Variants in PAX6 observed in about 807,000 individuals in gnomAD.
PAX6 encodes paired box protein Pax-6.
Under a neutral mutation model 60.7 loss-of-function variants are expected in PAX6, and 7 were observed. The observed-to-expected ratio is 0.12, with a 90% confidence interval of 0.07 to 0.22. The LOEUF is 0.22. PAX6 is among the 10% of genes least tolerant of loss of function. The pLI is 1.00. For synonymous variants in PAX6, 208 were observed against 201.2 expected (o/e 1.03, Z -0.29); for missense variants, 355 against 555.2 (o/e 0.64, Z 3.62).
rs754017749 is a variant in PAX6 at position 31,790,934 on chromosome 11, C to G, written c.1075-74G>C. On this transcript the variant is annotated intron_variant, in intron 12 of 13. Transcript: ENST00000640368. Reference sequence around the variant, plus strand: ...GCCACAGCCCCAGGCTCCCTCCTCCCGAGGAACTCTGCCAACAAGTCTGAT... The same window carrying G: ...GCCACAGCCCCAGGCTCCCTCCTCCGGAGGAACTCTGCCAACAAGTCTGAT... 99 of 1,499,850 alleles carry G rather than the reference C, an allele frequency of 6.6e-5. 1 individual carries two copies. Among genetic ancestry groups the G allele is most frequent in the South Asian group, 5.0e-4 (42 of 84,466 alleles). The allele number at this position is 1,499,850 out of a possible 1,614,324, so 92.9% of individuals were successfully genotyped here. A position where few individuals can be genotyped will look rare whatever the true frequency, so the allele number is the denominator to read the frequency against.
intron 13 of PAX6, chr11:31,790,239 C>A: frequency 1.9e-6 from 1 of 531,542 alleles, no homozygotes; most frequent in East Asian, 3.3e-5. Context: ...CAAGTACCCC[C>A]CACCCCAATC....
At chr11:31,797,998 G>GAGAC (rs918515962) in intron 8 of PAX6, among the ~76,000 whole-genome samples, 15 of 151,876 alleles carry the variant, frequency 9.9e-5, no homozygotes, top group Admixed American at 7.2e-4. Context: ...GAGAGAGAGA[G>GAGAC]AGAGAGAGAC....
chr11:31,789,686 C>A lies in PAX6; in HGVS notation c.*248G>T, dbSNP rs568482434. 4.3e-5 allele frequency: 30 copies of A among 702,268 alleles called. No individual in the cohort carries two copies. In the South Asian group the frequency reaches 4.5e-4, roughly 10 times the overall value. The allele number at this position is 702,268 out of a possible 1,614,324, so 43.5% of individuals were successfully genotyped here. Reference sequence around the variant, plus strand: ...AAATGCCCATTTACAAATAATACACCAAAATGAATAAAAGTTTGGATACCA... The same window carrying A: ...AAATGCCCATTTACAAATAATACACAAAAATGAATAAAAGTTTGGATACCA... On this transcript the variant is annotated 3_prime_UTR_variant, in exon 14 of 14. Coordinates refer to ENST00000640368, the MANE Select transcript of PAX6 (RefSeq NM_001368894.2).
intron 12 of PAX6, chr11:31,791,851 T>C (rs557636414): frequency 2.5e-4 from 38 of 152,380 alleles, no homozygotes; most frequent in African/African-American, 8.9e-4. Context: ...AAGAGTAGTT[T>C]TCTCTGAAGA....
intron 13 of PAX6, 144 bp from the exon 14 acceptor site, chr11:31,790,163 A>G (rs1949411006): frequency 1.5e-6 from 1 of 666,290 alleles, no homozygotes; most frequent in South Asian, 2.0e-5. Context: ...AATCACTTCA[A>G]TTGTTACAAA....
In PAX6 at chr11:31,802,002, C is replaced by T; in HGVS notation, c.142-90G>A. ...ATTACATTTGTAGCCCTAAAAACTA[C>T]AAATATGATGATACTTTCAAACAAT... On this transcript the variant is annotated intron_variant, in intron 5 of 13. Transcript: ENST00000640368. The T allele has an allele frequency of 4.0e-6, 4 of 1,007,546 alleles. No individual in the cohort carries two copies. The South Asian group carries it at 5.6e-5, about 14-fold the overall frequency. 62.4% of individuals were successfully genotyped at this position (1,007,546 alleles called of 1,614,324 possible). A position where few individuals can be genotyped will look rare whatever the true frequency, so the allele number is the denominator to read the frequency against.
At position 31,794,733 on chromosome 11, in the gene PAX6, G is replaced by T. The variant is rs367589686; in HGVS notation, c.621C>A (p.Asn207Lys). The T allele has an allele frequency of 1.3e-5, 21 of 1,613,876 alleles. 1 individual carries two copies. Among genetic ancestry groups the T allele is most frequent in the Non-Finnish European group, 1.8e-5 (21 of 1,179,948 alleles). ...GGENTNSISS[N>K]GEDSDEAQMR... ...TTTGAGCCTCATCTGAATCTTCTCC[G>T]TTGGAACTGATGGAGTTGGTATTCT... Residue 207 changes from asparagine to lysine, a missense_variant, in exon 9 of 14, where the codon AAC becomes AAA. Physicochemically the swap from Asn to Lys is moderately conservative, Grantham distance 94 (BLOSUM62 0). Coordinates refer to ENST00000640368, the MANE Select transcript of PAX6 (RefSeq NM_001368894.2).
At chr11:31,816,356 A>C in intron 1 of PAX6, 1 of 565,182 alleles carries the variant, frequency 1.8e-6, no homozygotes, top group Non-Finnish European at 3.1e-6. Flanking sequence ...CCCTCCGATC[A>C]CGAAGGGCAC....
chr11:31,793,080 C>T, intron 12 of PAX6: 1 of 598,072 alleles, frequency 1.7e-6, no homozygotes, highest in Non-Finnish European at 3.0e-6. Context: ...TTTTAAACTA[C>T]TAATCTGCTA....
rs1949189039 is a variant in PAX6 at position 31,789,872 on chromosome 11, C to T, written c.*62G>A. 7.0e-7 allele frequency: 1 copy of T among 1,418,950 alleles called. No homozygotes were observed. The allele number at this position is 1,418,950 out of a possible 1,614,324, so 87.9% of individuals were successfully genotyped here. On this transcript the variant is annotated 3_prime_UTR_variant, in exon 14 of 14. Transcript: ENST00000640368. ...TTTCCTGAAAGCTCAACTGTTGTGT[C>T]CCCATAGTCACTGACTGAATTAACA...
chr11:31,816,264 C>G, upstream of PAX6: 1 of 316,428 alleles, frequency 3.2e-6, no homozygotes, highest in Middle Eastern at 8.3e-4. Flanking sequence ...ACTCCGGGCC[C>G]TGGGGAAATC....
intron 2 of PAX6, among the ~76,000 whole-genome samples, chr11:31,809,029 C>A (rs1370109206): frequency 1.3e-5 from 2 of 152,222 alleles, no homozygotes; most frequent in Admixed American, 6.5e-5. Context: ...TCTCTGTCCC[C>A]AACACAAGCC....
At chr11:31,796,876 G>T (rs577377465) in intron 8 of PAX6, among the ~76,000 whole-genome samples, 1 of 152,174 alleles carries the variant, frequency 6.6e-6, no homozygotes, top group African/African-American at 2.4e-5. Context: ...AGAAAGGTGG[G>T]GGTCGAGGAG....
chr11:31,810,834 G>A lies in PAX6; in HGVS notation c.-135C>T, dbSNP rs991654589. 11 of 399,044 alleles carry A rather than the reference G, an allele frequency of 2.8e-5. No individual in the cohort carries two copies. Among genetic ancestry groups the A allele is most frequent in the South Asian group, 2.5e-4 (2 of 7,862 alleles). The allele number at this position is 399,044 out of a possible 1,614,324, so 24.7% of individuals were successfully genotyped here. Reference sequence around the variant, plus strand: ...AAGAAAGAAGCGGACTCACCTTTATGAGGCATCCTTTCTGGTTGTCACAGC... The same window carrying A: ...AAGAAAGAAGCGGACTCACCTTTATAAGGCATCCTTTCTGGTTGTCACAGC... On this transcript the variant is annotated 5_prime_UTR_variant, in exon 2 of 14. Transcript: ENST00000640368.
At chr11:31,810,568 T>C (rs953095312) in intron 2 of PAX6, 1 of 287,774 alleles carries the variant, frequency 3.5e-6, no homozygotes, top group African/African-American at 2.2e-5. Context: ...GCGCTGGCGC[T>C]GGCGCTGGCG....
Position 31,810,834 on chromosome 11 carries a change from G to T in PAX6, c.-135C>A, listed in dbSNP as rs991654589. 1 of 399,042 alleles carries T rather than the reference G, an allele frequency of 2.5e-6. No homozygotes were observed. The highest frequency in any genetic ancestry group is 4.4e-6 in the Non-Finnish European group (1 of 226,124). The allele number at this position is 399,042 out of a possible 1,614,324, so 24.7% of individuals were successfully genotyped here. On this transcript the variant is annotated 5_prime_UTR_variant, in exon 2 of 14. Coordinates refer to ENST00000640368, the MANE Select transcript of PAX6 (RefSeq NM_001368894.2). Reference sequence around the variant, plus strand: ...AAGAAAGAAGCGGACTCACCTTTATGAGGCATCCTTTCTGGTTGTCACAGC... The same window carrying T: ...AAGAAAGAAGCGGACTCACCTTTATTAGGCATCCTTTCTGGTTGTCACAGC...
At chr11:31,794,910 C>G (rs1328400492) in intron 8 of PAX6, 122 bp from the exon 9 acceptor site, 1 of 867,972 alleles carries the variant, frequency 1.2e-6, no homozygotes, top group Non-Finnish European at 1.9e-6. Context: ...AAAACATTCC[C>G]AAGGTAACTG....
chr11:31,793,911 G>C, intron 10 of PAX6, 109 bp from the exon 11 acceptor site: 1 of 1,374,526 alleles, frequency 7.3e-7, no homozygotes, highest in South Asian at 1.2e-5. Context: ...GCATTTAGCA[G>C]ACTGAACCTT....
At position 31,800,600 on chromosome 11, in the gene PAX6, G is replaced by A. The variant is rs1279548968; in HGVS notation, c.565+91C>T. 6 of 1,457,974 alleles carry A rather than the reference G, an allele frequency of 4.1e-6. No homozygotes were observed. In the East Asian group the frequency reaches 1.4e-4, roughly 33 times the overall value. 90.3% of individuals were successfully genotyped at this position (1,457,974 alleles called of 1,614,324 possible). ...CTCACCCATGACATTCCCCAAGCAT[G>A]GAAGCCCTGAGAGGAAATGGTTGGG... On this transcript the variant is annotated intron_variant, in intron 8 of 13. Coordinates refer to ENST00000640368, the MANE Select transcript of PAX6 (RefSeq NM_001368894.2).
Sources: gnomAD v4.1 joint callset for allele counts (sites outside exome capture counted in the v4.1 genomes callset) on GRCh38, gnomAD v4.1.1 for gene constraint, MANE v1.5 for transcripts, NCBI Gene and HGNC (gene_info 2026-07-23, HGNC 2026-07-21) for gene names.